CACNA2D3: variants seen among roughly 807,000 people sequenced by gnomAD.
The protein encoded by CACNA2D3 is calcium voltage-gated channel auxiliary subunit alpha2delta 3.
Under a neutral mutation model 160.6 loss-of-function variants are expected in CACNA2D3, and 60 were observed. The observed-to-expected ratio is 0.37, with a 90% CI of 0.30 to 0.46. CACNA2D3 has a LOEUF of 0.46. Ranked by LOEUF, CACNA2D3 falls within the 20% of genes least tolerant of loss-of-function variation. The probability of loss-of-function intolerance (pLI) is 1.00; values close to 1 mark genes in which losing one functional copy is unlikely to be tolerated. For missense variants in CACNA2D3, 1,205 were observed against 1,365.0 expected (o/e 0.88, Z 1.85); for synonymous variants, 558 against 492.9 (o/e 1.13, Z -1.75).
At chr3:54,176,735 G>A (rs1336603269) in intron 2 of CACNA2D3, among the ~76,000 whole-genome samples, 1 of 152,132 alleles carries the variant, frequency 6.6e-6, no homozygotes, top group Non-Finnish European at 1.5e-5. Flanking sequence ...TCATTACCAG[G>A]TGATTTAAAG....
intron 4 of CACNA2D3, among the ~76,000 whole-genome samples, chr3:54,402,363 T>C (rs747089088): frequency 4.0e-5 from 6 of 151,122 alleles, no homozygotes; most frequent in Non-Finnish European, 8.9e-5. Context: ...AAAAACAAGG[T>C]CCAACTATAT....
At chr3:54,251,804 G>A (rs1465061563) in intron 2 of CACNA2D3, among the ~76,000 whole-genome samples, 1 of 152,186 alleles carries the variant, frequency 6.6e-6, no homozygotes, top group South Asian at 2.1e-4. Context: ...AAGTGACCTG[G>A]TTCCCAGAGG....
intron 4 of CACNA2D3, among the ~76,000 whole-genome samples, chr3:54,494,221 G>A (rs1404316595): frequency 6.6e-6 from 1 of 152,170 alleles, no homozygotes; most frequent in African/African-American, 2.4e-5. Flanking sequence ...TTGATCATAT[G>A]GACAAAACCA....
intron 4 of CACNA2D3, among the ~76,000 whole-genome samples, chr3:54,469,359 A>G (rs1161931537): frequency 6.6e-6 from 1 of 152,240 alleles, no homozygotes; most frequent in Non-Finnish European, 1.5e-5. Flanking sequence ...AGGAAAACCA[A>G]CAGAAAGGAA....
At chr3:54,267,145 G>A (rs1279067173) in intron 2 of CACNA2D3, among the ~76,000 whole-genome samples, 10 of 152,178 alleles carry the variant, frequency 6.6e-5, no homozygotes, top group Non-Finnish European at 1.3e-4. Context: ...TTCCAAGTGT[G>A]ACAGTGGGAC....
intron 11 of CACNA2D3, among the ~76,000 whole-genome samples, chr3:54,673,594 T>C (rs1700194313): frequency 6.6e-6 from 1 of 152,194 alleles, no homozygotes; most frequent in East Asian, 1.9e-4. Context: ...CCATGAACTT[T>C]TCACATGTTA....
At chr3:54,650,913 G>A (rs1203481238) in intron 11 of CACNA2D3, among the ~76,000 whole-genome samples, 1 of 152,168 alleles carries the variant, frequency 6.6e-6, no homozygotes, top group African/African-American at 2.4e-5. Flanking sequence ...TAAATGCTCC[G>A]TGTGTATCTA....
intron 4 of CACNA2D3, among the ~76,000 whole-genome samples, chr3:54,445,217 C>T (rs907054130): frequency 6.6e-6 from 1 of 152,214 alleles, no homozygotes; most frequent in African/African-American, 2.4e-5. Context: ...CAGCCATTGG[C>T]ACCCTGTGGA....
In CACNA2D3 at chr3:54,533,412, G is replaced by A. The variant is rs568335553; in HGVS notation, c.545-29388G>A. 4.0e-4 allele frequency among the ~76,000 whole-genome samples: 55 copies of A among 138,152 alleles called. 1 individual carries two copies. Among genetic ancestry groups the A allele is most frequent in the African/African-American group, 1.5e-3 (54 of 36,682 alleles). The allele number at this position is 138,152 out of a possible 152,430, so 90.6% of individuals were successfully genotyped here. A position where few individuals can be genotyped will look rare whatever the true frequency, so the allele number is the denominator to read the frequency against. On this transcript the variant is annotated intron_variant, in intron 5 of 37. Coordinates refer to ENST00000474759, the MANE Select transcript of CACNA2D3 (RefSeq NM_018398.3). Reference sequence around the variant, plus strand: ...TGCAGTGGCACGATCCAGGCTCACTGCAACCTCCATCTCCCAGGTTCAAGC... The same window carrying A: ...TGCAGTGGCACGATCCAGGCTCACTACAACCTCCATCTCCCAGGTTCAAGC...
At chr3:54,919,827 A>T (rs1031965602) in intron 27 of CACNA2D3, among the ~76,000 whole-genome samples, 9 of 152,188 alleles carry the variant, frequency 5.9e-5, no homozygotes, top group African/African-American at 2.2e-4. Context: ...TCTTGTCCAG[A>T]CTCACAGAGG....
intron 11 of CACNA2D3, among the ~76,000 whole-genome samples, chr3:54,736,074 C>CACAT (rs1701509919): frequency 3.4e-5 from 1 of 29,516 alleles, no homozygotes; most frequent in African/African-American, 1.2e-4. Context: ...TATATATATA[C>CACAT]ATATATATGT....
chr3:54,955,312 T>G (rs1440028628), intron 27 of CACNA2D3, among the ~76,000 whole-genome samples: 3 of 152,088 alleles, frequency 2.0e-5, no homozygotes, highest in African/African-American at 4.8e-5. Flanking sequence ...GCAGGTAATC[T>G]CTTGAAGCTA....
At chr3:54,722,726 G>T (rs1309032944) in intron 11 of CACNA2D3, among the ~76,000 whole-genome samples, 1 of 152,192 alleles carries the variant, frequency 6.6e-6, no homozygotes, top group East Asian at 1.9e-4. Flanking sequence ...AGCAGAGGCT[G>T]CAGAACAGCA....
At chr3:54,797,198 G>A (rs780374468) in intron 13 of CACNA2D3, among the ~76,000 whole-genome samples, 1 of 152,216 alleles carries the variant, frequency 6.6e-6, no homozygotes, top group African/African-American at 2.4e-5. Flanking sequence ...TCTAGGGTAA[G>A]TTCTAGATCA....
intron 5 of CACNA2D3, among the ~76,000 whole-genome samples, chr3:54,522,040 A>G (rs1701653969): frequency 6.6e-6 from 1 of 152,272 alleles, no homozygotes; most frequent in Non-Finnish European, 1.5e-5. Flanking sequence ...GCAATTCTAC[A>G]TGTATTTTAG....
chr3:54,543,918 T>C (rs1702022165), intron 5 of CACNA2D3, among the ~76,000 whole-genome samples: 1 of 152,222 alleles, frequency 6.6e-6, no homozygotes, highest in African/African-American at 2.4e-5. Flanking sequence ...TGAACCTTTT[T>C]TTCTTGCTTT....
intron 14 of CACNA2D3, among the ~76,000 whole-genome samples, chr3:54,828,097 G>A (rs1194405463): frequency 6.6e-6 from 1 of 152,210 alleles, no homozygotes; most frequent in South Asian, 2.1e-4. Context: ...GTTAGGGAAG[G>A]TTTTATGGAG....
intron 4 of CACNA2D3, among the ~76,000 whole-genome samples, chr3:54,470,753 A>G (rs184156242): frequency 5.8e-4 from 88 of 152,280 alleles, no homozygotes; most frequent in Non-Finnish European, 1.1e-3. Flanking sequence ...AAAAAAGCAG[A>G]GGTTGCAATC....
intron 25 of CACNA2D3, among the ~76,000 whole-genome samples, chr3:54,895,022 T>G (rs1218477380): frequency 6.6e-6 from 1 of 152,030 alleles, no homozygotes; most frequent in Non-Finnish European, 1.5e-5. Context: ...ACTTTTAATT[T>G]CTGGAGAGTC....
Sources: gnomAD v4.1 joint callset for allele counts (sites outside exome capture counted in the v4.1 genomes callset) on GRCh38, gnomAD v4.1.1 for gene constraint, MANE v1.5 for transcripts, NCBI Gene and HGNC (gene_info 2026-07-23, HGNC 2026-07-21) for gene names.